Variants in PPOX observed in about 807,000 individuals in gnomAD.
The protein encoded by PPOX is variegate porphyria.
In PPOX, 23 loss-of-function variants were observed where a neutral mutation model predicts 54.1. The ratio of observed to expected loss-of-function variants is 0.43; its 90% CI spans 0.31 to 0.60. The LOEUF is 0.60. Among genes scored for constraint, PPOX ranks in the 20% least tolerant of loss-of-function variants. The probability of loss-of-function intolerance (pLI) is 0.13; values close to 1 mark genes in which losing one functional copy is unlikely to be tolerated. For synonymous variants in PPOX, 224 were observed against 236.1 expected, an observed-to-expected ratio of 0.95 and a Z score of 0.47; for missense variants, 512 against 601.1, an observed-to-expected ratio of 0.85 and a Z score of 1.55.
chr1:161,174,510 C>G (rs191746678), downstream of PPOX, among the ~76,000 whole-genome samples: 1 of 152,066 alleles, frequency 6.6e-6, no homozygotes, highest in Non-Finnish European at 1.5e-5. Flanking sequence ...CATTTTTCCA[C>G]TTAGTCATTT....
chr1:161,177,088 G>T (rs963012223), downstream of PPOX: 4 of 1,529,976 alleles, frequency 2.6e-6, no homozygotes, highest in African/African-American at 4.1e-5. Flanking sequence ...TCTAGCGGGG[G>T]TGGGGAGGAG....
At chr1:161,169,617 A>G in intron 7 of PPOX, 43 bp from the exon 8 acceptor site, 2 of 1,597,598 alleles carry the variant, frequency 1.3e-6, no homozygotes, top group South Asian at 1.1e-5. Context: ...TCACTCATCA[A>G]ATTCTCATTT....
At chr1:161,169,594 C>G in intron 7 of PPOX, 66 bp from the exon 8 acceptor site, 1 of 1,524,360 alleles carries the variant, frequency 6.6e-7, no homozygotes, top group African/African-American at 1.4e-5. Context: ...AGTGAGGCAC[C>G]AGAAGTCTCT....
chr1:161,171,006 A>G, intron 12 of PPOX, 28 bp from the exon 13 acceptor site: 1 of 1,614,180 alleles, frequency 6.2e-7, no homozygotes, highest in South Asian at 1.1e-5. Flanking sequence ...CCCCCAGCTA[A>G]AACATTCCTT....
rs764050689 is a variant in PPOX at position 161,167,617 on chromosome 1, T to A, written c.338+131T>A. 4 of 1,242,942 alleles carry A rather than the reference T, an allele frequency of 3.2e-6. No homozygotes were observed. The East Asian group carries it at 1.1e-4, about 34-fold the overall frequency. 77.0% of individuals were successfully genotyped at this position (1,242,942 alleles called of 1,614,324 possible). On this transcript the variant is annotated intron_variant, in intron 4 of 12. Coordinates refer to ENST00000367999, the MANE Select transcript of PPOX (RefSeq NM_001122764.3). ...AGTATCGCTCTCGCCCAGGATGGAGTGCAATGGCGCGATCTTGGCTCACTG... is the reference window on the plus strand; with the variant it reads ...AGTATCGCTCTCGCCCAGGATGGAGAGCAATGGCGCGATCTTGGCTCACTG...
downstream of PPOX, chr1:161,174,857 G>C (rs976954407): frequency 3.4e-6 from 3 of 873,762 alleles, no homozygotes; most frequent in South Asian, 1.5e-5. Flanking sequence ...GAGCAGTGCC[G>C]GGTGCTTCTC....
chr1:161,166,810 T>G, intron 1 of PPOX, 30 bp from the exon 2 acceptor site: 1 of 1,610,048 alleles, frequency 6.2e-7, no homozygotes, highest in African/African-American at 1.3e-5. Flanking sequence ...GTCCCCGGTC[T>G]GCCTGTCCAT....
chr1:161,166,306 G>A, upstream of PPOX: 2 of 1,022,544 alleles, frequency 2.0e-6, no homozygotes, highest in South Asian at 3.7e-5. Flanking sequence ...TCTTACAGCT[G>A]CCGTCGCTCC....
chr1:161,170,980 G>A, intron 12 of PPOX, 31 bp downstream of exon 12: 1 of 1,614,090 alleles, frequency 6.2e-7, no homozygotes, highest in Non-Finnish European at 8.5e-7. Context: ...GGCTGAGGAG[G>A]GCCAAGGACA....
At chr1:161,166,268 C>T (rs774102912), upstream of PPOX, 1 of 999,278 alleles carries the variant, frequency 1.0e-6, no homozygotes, top group Non-Finnish European at 1.2e-6. Flanking sequence ...TCACTCCCAG[C>T]TCGGCGCTAA....
At chr1:161,172,405 C>A, downstream of PPOX, 1 of 1,336,570 alleles carries the variant, frequency 7.5e-7, no homozygotes. Context: ...TGTTTCTGTA[C>A]ACACAAAAAA....
downstream of PPOX, chr1:161,177,119 G>A: frequency 6.6e-7 from 1 of 1,506,144 alleles, no homozygotes; most frequent in East Asian, 2.5e-5. Context: ...GAAGAGAAAG[G>A]GAGAGGGAGA....
intron 5 of PPOX, 122 bp downstream of exon 5, chr1:161,168,249 C>T: frequency 6.4e-7 from 1 of 1,550,760 alleles, no homozygotes; most frequent in South Asian, 1.1e-5. Flanking sequence ...CTCTTCATAC[C>T]CCACCCCCTC....
chr1:161,169,392 A>G (rs1476142559), intron 7 of PPOX: 14 of 709,082 alleles, frequency 2.0e-5, no homozygotes, highest in East Asian at 1.3e-4. Context: ...AGTAGTACTT[A>G]TAAGTGGCTT....
chr1:161,165,997 A>G, upstream of PPOX: 2 of 759,682 alleles, frequency 2.6e-6, no homozygotes, highest in Non-Finnish European at 3.2e-6. Flanking sequence ...CTGTTGACAA[A>G]CACTGGGTAC....
chr1:161,166,291 C>T (rs1658860593), upstream of PPOX: 7 of 1,020,206 alleles, frequency 6.9e-6, no homozygotes, highest in South Asian at 2.6e-4. Flanking sequence ...CGGTTAACCT[C>T]CAGCTCTTAC....
At chr1:161,175,833 G>A, downstream of PPOX, 4 of 1,614,164 alleles carry the variant, frequency 2.5e-6, no homozygotes, top group Non-Finnish European at 3.4e-6. Flanking sequence ...GTTCTGGACA[G>A]TAGGGCAGAC....
chr1:161,171,626 AG>A (rs1305665471), downstream of PPOX: 1 of 723,342 alleles, frequency 1.4e-6, no homozygotes, highest in Non-Finnish European at 2.2e-6. Flanking sequence ...AGGAGACCCT[AG>A]AGAGAGGGAC....
chr1:161,168,985 C>T lies in PPOX; in HGVS notation c.617-8C>T, dbSNP rs1660151457. 6 of 1,613,616 alleles carry T rather than the reference C, an allele frequency of 3.7e-6. No homozygotes were observed. Among genetic ancestry groups the T allele is most frequent in the Non-Finnish European group, 4.2e-6 (5 of 1,180,020 alleles). ...AGCCTCAATGATTCTTCTTTGCTTC[C>T]TCTGCAGGGCGGACCCCACAGCCAG... On this transcript the variant is annotated splice_polypyrimidine_tract_variant and splice_region_variant and intron_variant, in intron 6 of 12. Coordinates refer to ENST00000367999, the MANE Select transcript of PPOX (RefSeq NM_001122764.3).
Sources: allele counts gnomAD v4.1 joint callset (sites outside exome capture counted in the v4.1 genomes callset), GRCh38; gene constraint gnomAD v4.1.1; transcripts MANE v1.5; gene names NCBI Gene and HGNC (gene_info 2026-07-23, HGNC 2026-07-21).